The following USP12 variants were observed in gnomAD, a reference collection of about 807,000 sequenced individuals.
USP12 encodes ubiquitin specific peptidase 12.
In USP12, 19 loss-of-function variants were observed where a neutral mutation model predicts 45.5. The ratio of observed to expected loss-of-function variants is 0.42; its 90% confidence interval spans 0.29 to 0.61. The LOEUF (loss-of-function observed/expected upper bound fraction) is 0.61. USP12 is among the 20% of genes least tolerant of loss of function. The probability of loss-of-function intolerance (pLI) is 0.22; values close to 1 mark genes in which losing one functional copy is unlikely to be tolerated. For synonymous variants in USP12, 149 were observed against 148.8 expected, an observed-to-expected ratio of 1.00 and a Z score of -0.01; for missense variants, 242 against 447.7, an observed-to-expected ratio of 0.54 and a Z score of 4.15.
chr13:27,147,857 G>C (rs911660049), intron 1 of USP12, among the ~76,000 whole-genome samples: 2 of 152,188 alleles, frequency 1.3e-5, no homozygotes, highest in Admixed American at 1.3e-4. Context: ...TAAGGGCATG[G>C]TGGTTCACAA....
intron 2 of USP12, among the ~76,000 whole-genome samples, chr13:27,114,377 T>C (rs1875611850): frequency 1.3e-5 from 2 of 152,204 alleles, no homozygotes; most frequent in Non-Finnish European, 2.9e-5. Flanking sequence ...CAACTTGTTA[T>C]CTAAGAATTT....
rs1291508957 is a variant in USP12 at position 27,095,759 on chromosome 13, T to G, written c.415A>C (p.Ile139Leu). The G allele has an allele frequency of 6.2e-7, 1 of 1,613,054 alleles. No individual in the cohort carries two copies. The highest frequency in any genetic ancestry group is 1.1e-5 in the South Asian group (1 of 90,896). ...LNYLLNTIAD[I>L]LQEERKQEKQ... is the part of the protein sequence containing the mutation. ...TCCTGCTTTCTCTCTTCTTGTAAAA[T>G]ATCAGCAATTGTATTTAGTAGGTAA... The change falls in exon 4 of 9, where the codon ATT becomes CTT. Residue 139 changes from isoleucine (I) to leucine (L), a missense_variant. Physicochemically the swap from Ile to Leu is conservative, Grantham distance 5 (BLOSUM62 2). This residue lies in a region of USP12 where 77 missense variants were observed against 153.7 expected (regional missense o/e 0.50). Transcript: ENST00000282344.
intron 6 of USP12, among the ~76,000 whole-genome samples, chr13:27,083,871 TA>T (rs1200956384): frequency 4.7e-5 from 7 of 149,844 alleles, no homozygotes; most frequent in Non-Finnish European, 8.9e-5. Flanking sequence ...TATATATATA[TA>T]TATTTTTTTG....
intron 3 of USP12, 29 bp downstream of exon 3, chr13:27,105,702 G>A (rs1180498202): frequency 1.3e-6 from 2 of 1,592,786 alleles, no homozygotes; most frequent in Non-Finnish European, 1.7e-6. Context: ...TTCCTAGTAT[G>A]TCATTAATAC....
intron 3 of USP12, among the ~76,000 whole-genome samples, chr13:27,102,366 A>C (rs9553964): frequency 2.6e-5 from 4 of 151,856 alleles, no homozygotes; most frequent in Non-Finnish European, 5.9e-5. Flanking sequence ...TCCTGCCTCT[A>C]CTCTCATGCT....
chr13:27,123,810 A>C (rs1482240695), intron 1 of USP12, among the ~76,000 whole-genome samples: 7 of 152,202 alleles, frequency 4.6e-5, no homozygotes, highest in Non-Finnish European at 1.0e-4. Flanking sequence ...TAAATTACCC[A>C]GTCTCAGGTA....
intron 1 of USP12, among the ~76,000 whole-genome samples, chr13:27,123,160 G>A (rs1326645546): frequency 2.0e-5 from 3 of 152,068 alleles, no homozygotes; most frequent in Admixed American, 6.5e-5. Context: ...AACTGCTGTA[G>A]AGAGACCATG....
At chr13:27,170,422 A>C (rs534932312) in intron 1 of USP12, 1 of 398,292 alleles carries the variant, frequency 2.5e-6, no homozygotes, top group East Asian at 3.6e-5. Context: ...AGGGCCAGTG[A>C]GGCATGAAAC....
At chr13:27,130,583 T>G (rs1345347802) in intron 1 of USP12, among the ~76,000 whole-genome samples, 1 of 118,286 alleles carries the variant, frequency 8.5e-6, no homozygotes, top group Admixed American at 8.1e-5. Context: ...AAAAGGAAAA[T>G]ATGGTGTATT....
intron 1 of USP12, among the ~76,000 whole-genome samples, chr13:27,148,667 A>C (rs1401090713): frequency 1.1e-5 from 1 of 93,632 alleles, no homozygotes; most frequent in Non-Finnish European, 2.2e-5. Context: ...GAGACTCAAA[A>C]AAAAAAAATT....
chr13:27,077,395 A>G (rs939339351), intron 6 of USP12: 1 of 152,198 alleles, frequency 6.6e-6, no homozygotes, highest in Non-Finnish European at 1.5e-5. Context: ...AGGAGGAAAG[A>G]GAATGAACAT....
At chr13:27,143,885 AGAC>A (rs1877183244) in intron 1 of USP12, among the ~76,000 whole-genome samples, 2 of 152,238 alleles carry the variant, frequency 1.3e-5, no homozygotes, top group Non-Finnish European at 1.5e-5. Flanking sequence ...TCATTCTGTG[AGAC>A]AATCAGTCTT....
intron 1 of USP12, among the ~76,000 whole-genome samples, chr13:27,145,736 A>G (rs941569908): frequency 1.3e-5 from 2 of 152,132 alleles, no homozygotes; most frequent in Non-Finnish European, 2.9e-5. Context: ...TTTATCAACA[A>G]AAGTCTGTAA....
At chr13:27,157,437 C>T (rs952274141) in intron 1 of USP12, among the ~76,000 whole-genome samples, 7 of 152,134 alleles carry the variant, frequency 4.6e-5, no homozygotes, top group Non-Finnish European at 8.8e-5. Context: ...TTCCTTTACC[C>T]GCTGTATCAG....
At chr13:27,087,183 A>T (rs948907237) in intron 6 of USP12, among the ~76,000 whole-genome samples, 1 of 151,058 alleles carries the variant, frequency 6.6e-6, no homozygotes, top group Non-Finnish European at 1.5e-5. Context: ...CGGGGGCAGG[A>T]AGGCAGAGAG....
At chr13:27,088,829 G>T (rs74041145) in intron 6 of USP12, among the ~76,000 whole-genome samples, 2,020 of 152,190 alleles carry the variant, frequency 0.013, 54 homozygotes, top group African/African-American at 0.045. Flanking sequence ...GAGCACGCTT[G>T]GATGTTGAGC....
chr13:27,082,309 T>G (rs115539668), intron 6 of USP12, among the ~76,000 whole-genome samples: 2 of 152,222 alleles, frequency 1.3e-5, no homozygotes, highest in Non-Finnish European at 2.9e-5. Flanking sequence ...TAAAACCTCA[T>G]GAACCCACCC....
At chr13:27,145,113 A>G (rs1348870228) in intron 1 of USP12, among the ~76,000 whole-genome samples, 1 of 152,162 alleles carries the variant, frequency 6.6e-6, no homozygotes, top group Non-Finnish European at 1.5e-5. Context: ...GCTCTGTATC[A>G]AATGTAGCCA....
chr13:27,101,817 G>A (rs1874873863), intron 3 of USP12, among the ~76,000 whole-genome samples: 1 of 152,086 alleles, frequency 6.6e-6, no homozygotes, highest in Non-Finnish European at 1.5e-5. Context: ...TATTTAACAG[G>A]TATTATTTGT....
Sources: gnomAD v4.1 joint callset for allele counts (sites outside exome capture counted in the v4.1 genomes callset) on GRCh38, gnomAD v4.1.1 for gene constraint, gnomAD v4.1.1 regional missense constraint, MANE v1.5 for transcripts, NCBI Gene and HGNC (gene_info 2026-07-23, HGNC 2026-07-21) for gene names.